CDH23: variants seen among roughly 807,000 people sequenced by gnomAD.
CDH23 encodes cadherin-23.
Under a neutral mutation model 317.1 loss-of-function variants are expected in CDH23, and 189 were observed. The ratio of observed to expected loss-of-function variants is 0.60; its 90% CI spans 0.53 to 0.67. The LOEUF (loss-of-function observed/expected upper bound fraction) is 0.67, where lower values mean the gene tolerates loss of function less well. CDH23 is among the 30% of genes least tolerant of loss of function. The probability of loss-of-function intolerance (pLI) is 0.00; values close to 1 mark genes in which losing one functional copy is unlikely to be tolerated. For synonymous variants in CDH23, 1,839 were observed against 1,876.8 expected, an observed-to-expected ratio of 0.98 and a Z score of 0.52; for missense variants, 4,401 against 4,592.4, an observed-to-expected ratio of 0.96 and a Z score of 1.20.
intron 18 of CDH23, among the ~76,000 whole-genome samples, chr10:71,684,720 C>A (rs1416715425): frequency 6.6e-6 from 1 of 152,190 alleles, no homozygotes; most frequent in Non-Finnish European, 1.5e-5. Flanking sequence ...CCCAGCCTGT[C>A]GCTAGTGCAA....
chr10:71,600,607 C>T (rs1177848560), intron 9 of CDH23, among the ~76,000 whole-genome samples: 1 of 151,216 alleles, frequency 6.6e-6, no homozygotes, highest in East Asian at 1.9e-4. Context: ...ACCTCTGCCT[C>T]CCGGGTTCAA....
At chr10:71,774,411 T>A (rs983774662) in intron 38 of CDH23, among the ~76,000 whole-genome samples, 1 of 152,176 alleles carries the variant, frequency 6.6e-6, no homozygotes, top group Non-Finnish European at 1.5e-5. Context: ...CTTCACGAAA[T>A]GTCCTGACCC....
intron 3 of CDH23, among the ~76,000 whole-genome samples, chr10:71,479,275 A>G (rs2132110062): frequency 6.6e-6 from 1 of 152,306 alleles, no homozygotes; most frequent in Non-Finnish European, 1.5e-5. Context: ...GCGAAGGCAG[A>G]GCTAACATTT....
intron 11 of CDH23, among the ~76,000 whole-genome samples, chr10:71,624,236 C>T (rs779566007): frequency 5.3e-5 from 8 of 152,188 alleles, no homozygotes; most frequent in Non-Finnish European, 1.0e-4. Flanking sequence ...CCTCTCTGGG[C>T]CTCATCTCTG....
At chr10:71,476,516 T>C (rs1589118452) in intron 3 of CDH23, among the ~76,000 whole-genome samples, 1 of 152,156 alleles carries the variant, frequency 6.6e-6, no homozygotes, top group South Asian at 2.1e-4. Flanking sequence ...CTGGAAAGAT[T>C]TGGGGCTGGA....
chr10:71,487,839 C>G, intron 3 of CDH23, among the ~76,000 whole-genome samples: 1 of 152,216 alleles, frequency 6.6e-6, no homozygotes, highest in Non-Finnish European at 1.5e-5. Flanking sequence ...CTACTATTCT[C>G]ACCTCTCTCC....
At position 71,517,647 on chromosome 10, in the gene CDH23, C is replaced by T. The variant is rs112325740; in HGVS notation, c.429+6435C>T. 3.5e-3 allele frequency among the ~76,000 whole-genome samples: 533 copies of T among 152,344 alleles called. 2 individuals are homozygous for T. Among genetic ancestry groups the T allele is most frequent in the Non-Finnish European group, 5.2e-3 (355 of 68,028 alleles). On this transcript the variant is annotated intron_variant, in intron 6 of 69. Coordinates refer to ENST00000224721, the MANE Select transcript of CDH23 (RefSeq NM_022124.6). ...CCACTCATGAGCGTGTCATCTCCCA[C>T]GCCAGGAGAGGCAGCCCCTTGACAG...
intron 44 of CDH23, among the ~76,000 whole-genome samples, chr10:71,788,269 C>T (rs888670607): frequency 6.6e-6 from 1 of 151,922 alleles, no homozygotes; most frequent in Non-Finnish European, 1.5e-5. Flanking sequence ...AGGCTGGTCT[C>T]GAACTCCTGA....
chr10:71,399,361 C>T (rs1283294126), intron 1 of CDH23, among the ~76,000 whole-genome samples: 1 of 152,146 alleles, frequency 6.6e-6, no homozygotes, highest in Non-Finnish European at 1.5e-5. Flanking sequence ...GAGCTGTGGT[C>T]CACAGTGCCT....
chr10:71,738,677 C>A, intron 35 of CDH23, 30 bp downstream of exon 35: 1 of 1,606,786 alleles, frequency 6.2e-7, no homozygotes, highest in Non-Finnish European at 8.5e-7. Context: ...AGCCAGGATC[C>A]ACCATGTCAG....
intron 1 of CDH23, among the ~76,000 whole-genome samples, chr10:71,399,261 A>G (rs1052107610): frequency 6.6e-6 from 1 of 152,242 alleles, no homozygotes. Context: ...CTTGTTAGAA[A>G]TGCAGACTCT....
chr10:71,734,206 G>A, intron 32 of CDH23, 34 bp from the exon 33 acceptor site: 1 of 1,545,990 alleles, frequency 6.5e-7, no homozygotes, highest in Non-Finnish European at 8.8e-7. Flanking sequence ...AGGGTGCGAT[G>A]TTGTCACTCA....
rs368317741 is a variant in CDH23, at chr10:71,809,834, A to T, written c.8737A>T (p.Ile2913Phe). The T allele has an allele frequency of 3.7e-6, 6 of 1,612,464 alleles. No individual in the cohort carries two copies. Among genetic ancestry groups the T allele is most frequent in the Admixed American group, 1.7e-5 (1 of 59,990 alleles). ...GCTTCCTGCAGGGAGCATGGACGGC[A>T]TTCTGCGCACCTTCGACCTCTTCAT... Reference protein sequence around the residue: ...QVFTMGSMDGILRTFDLFMAY... With the variant: ...QVFTMGSMDGFLRTFDLFMAY... The change falls in exon 61 of 70, where the codon ATT (isoleucine) becomes TTT (phenylalanine). Residue 2913 changes from isoleucine (I) to phenylalanine (F), a missense_variant. This residue lies in a region of CDH23 where 1,144 missense variants were observed against 1,138.2 expected (regional missense o/e 1.01). Transcript: ENST00000224721.
rs756793995 is a variant in CDH23 at position 71,809,957 on chromosome 10, G to T, written c.8860G>T (p.Asp2954Tyr). The T allele has an allele frequency of 4.3e-6, 7 of 1,612,270 alleles. No individual in the cohort carries two copies. The highest frequency in any genetic ancestry group is 4.2e-6 in the Non-Finnish European group (5 of 1,179,878). Residue 2954 changes from aspartate to tyrosine, a missense_variant, in exon 61 of 70, where the codon GAC (aspartate) becomes TAC (tyrosine). By Grantham distance (160) the Asp-to-Tyr change is radical. Around this residue, in one of 3 missense-constraint regions of CDH23, gnomAD observed 1,144 missense variants for 1,138.2 expected, o/e 1.01. Transcript: ENST00000224721. The stretch of plus-strand genomic sequence containing the variant: ...CATCGGCATCTACATCCTGAGGGAC[G>T]ACCAGCGCGTCAAGATCGTCATTAA... The part of the protein sequence containing the change: ...AIIGIYILRD[D>Y]QRVKIVINEI...
At chr10:71,411,976 C>A (rs1483877750) in intron 1 of CDH23, among the ~76,000 whole-genome samples, 1 of 152,184 alleles carries the variant, frequency 6.6e-6, no homozygotes, top group Admixed American at 6.5e-5. Context: ...TTCCTTCTCC[C>A]ATCTGCCCAT....
chr10:71,600,913 A>G (rs78671194), intron 9 of CDH23, among the ~76,000 whole-genome samples: 7,119 of 152,074 alleles, frequency 0.047, 831 homozygotes, highest in East Asian at 0.45. Context: ...GGGGGCTCTG[A>G]CTCTGTAGGA....
At chr10:71,490,584 G>A (rs549293674) in intron 3 of CDH23, among the ~76,000 whole-genome samples, 5 of 152,316 alleles carry the variant, frequency 3.3e-5, no homozygotes, top group Admixed American at 2.6e-4. Flanking sequence ...TTCCAAAGCT[G>A]AACAGTAGTT....
rs371371892 is a variant in CDH23, at chr10:71,741,769, T to A, written c.4693T>A (p.Tyr1565Asn). ...CATCGGGATCAACAGTGTTCTGTCC[T>A]ACTACATCACCGAGGGCAACAAGGA... ...RDIGINSVLS[Y>N]YITEGNKDMA... The change falls in exon 38 of 70, where the codon TAC (tyrosine) becomes AAC (asparagine). Residue 1565 changes from tyrosine to asparagine, a missense_variant. Tyr to Asn is a moderately radical substitution (Grantham distance 143). Coordinates refer to ENST00000224721, the MANE Select transcript of CDH23 (RefSeq NM_022124.6). 3.7e-6 allele frequency: 6 copies of A among 1,612,766 alleles called. No individual in the cohort carries two copies. Among genetic ancestry groups the A allele is most frequent in the Non-Finnish European group, 5.1e-6 (6 of 1,179,422 alleles).
chr10:71,728,143 G>C (rs1230370329), intron 30 of CDH23, among the ~76,000 whole-genome samples: 1 of 152,138 alleles, frequency 6.6e-6, no homozygotes, highest in Non-Finnish European at 1.5e-5. Flanking sequence ...GGAGTGGTTA[G>C]TTTCTGTTTA....
Sources: allele counts gnomAD v4.1 joint callset (sites outside exome capture counted in the v4.1 genomes callset), GRCh38; gene constraint gnomAD v4.1.1; regional missense constraint gnomAD v4.1.1; transcripts MANE v1.5; gene names NCBI Gene and HGNC (gene_info 2026-07-23, HGNC 2026-07-21).